Variants in PRKN observed in about 807,000 individuals in gnomAD.
PRKN encodes the protein parkin RBR E3 ubiquitin protein ligase.
In PRKN, 56 loss-of-function variants were observed where a neutral mutation model predicts 59.5. The ratio of observed to expected loss-of-function variants is 0.94; its 90% CI spans 0.76 to 1.18. The LOEUF is 1.18. Ranked by LOEUF, PRKN falls within the 50% of genes most tolerant of loss-of-function variation. The probability of loss-of-function intolerance (pLI) is 0.00; values close to 1 mark genes in which losing one functional copy is unlikely to be tolerated. For missense variants in PRKN, 657 were observed against 596.4 expected (o/e 1.10, Z -1.06); for synonymous variants, 250 against 222.1 (o/e 1.13, Z -1.12).
chr6:161,960,361 A>G (rs543287233), intron 6 of PRKN, among the ~76,000 whole-genome samples: 1 of 152,332 alleles, frequency 6.6e-6, no homozygotes, highest in Admixed American at 6.5e-5. Flanking sequence ...ACGGCTGGAG[A>G]CAAACGCAAA....
chr6:162,180,425 AT>A lies in PRKN; in HGVS notation c.534+20705del, dbSNP rs1488204305. Among the ~76,000 whole-genome samples, 12 of 151,378 alleles carry A rather than the reference AT, an allele frequency of 7.9e-5. No homozygotes were observed. The East Asian group carries it at 2.1e-3, about 27-fold the overall frequency. ...TACCACAGAAATATGAACACCTCCTATGTACCCACAAAAATTACAAATGAAA... is the reference window on the plus strand; with the variant it reads ...TACCACAGAAATATGAACACCTCCTAGTACCCACAAAAATTACAAATGAAA... On this transcript the variant is annotated intron_variant, in intron 4 of 11. Coordinates refer to ENST00000366898, the MANE Select transcript of PRKN (RefSeq NM_004562.3).
intron 6 of PRKN, among the ~76,000 whole-genome samples, chr6:161,818,425 C>T (rs1447900680): frequency 6.6e-6 from 1 of 151,936 alleles, no homozygotes; most frequent in Non-Finnish European, 1.5e-5. Context: ...GCCTCAACCT[C>T]CCATGCCCAA....
intron 1 of PRKN, among the ~76,000 whole-genome samples, chr6:162,484,966 C>A (rs904042999): frequency 2.0e-5 from 3 of 152,100 alleles, no homozygotes; most frequent in Admixed American, 2.0e-4. Flanking sequence ...ACTAGTTTTT[C>A]TATGGCCTGT....
chr6:162,260,138 G>A (rs1182452244), intron 3 of PRKN, among the ~76,000 whole-genome samples: 1 of 152,126 alleles, frequency 6.6e-6, no homozygotes, highest in Non-Finnish European at 1.5e-5. Flanking sequence ...AGAAGTGTTA[G>A]GATGGCAACC....
intron 1 of PRKN, among the ~76,000 whole-genome samples, chr6:162,469,509 TACACAC>T (rs74725154): frequency 4.7e-5 from 7 of 148,928 alleles, no homozygotes; most frequent in Non-Finnish European, 5.9e-5. Flanking sequence ...TGTGTGTGTA[TACACAC>T]ACACACACAC....
chr6:162,495,351 T>C (rs959895548), intron 1 of PRKN, among the ~76,000 whole-genome samples: 3 of 152,206 alleles, frequency 2.0e-5, no homozygotes, highest in Non-Finnish European at 2.9e-5. Context: ...GGCTTTCTGA[T>C]CTGTACAGCA....
At chr6:162,678,209 G>A (rs1195949824) in intron 1 of PRKN, among the ~76,000 whole-genome samples, 1 of 152,174 alleles carries the variant, frequency 6.6e-6, no homozygotes, top group Non-Finnish European at 1.5e-5. Context: ...CCTGTTGATG[G>A]TTATTGGAGT....
At chr6:162,356,094 G>A (rs990239458) in intron 2 of PRKN, among the ~76,000 whole-genome samples, 1 of 152,072 alleles carries the variant, frequency 6.6e-6, no homozygotes, top group African/African-American at 2.4e-5. Context: ...CACATTCAGA[G>A]ACAAGGCCAA....
chr6:162,615,708 G>A (rs1461581334), intron 1 of PRKN, among the ~76,000 whole-genome samples: 1 of 152,288 alleles, frequency 6.6e-6, no homozygotes, highest in African/African-American at 2.4e-5. Context: ...TATCAAATGT[G>A]CCAGCATTGA....
intron 6 of PRKN, among the ~76,000 whole-genome samples, chr6:161,832,229 C>T (rs1026357396): frequency 6.6e-6 from 1 of 152,162 alleles, no homozygotes; most frequent in Non-Finnish European, 1.5e-5. Context: ...ATAAGCATAG[C>T]TTTATGGGGA....
intron 9 of PRKN, among the ~76,000 whole-genome samples, chr6:161,541,243 G>A (rs1779604280): frequency 6.6e-6 from 1 of 152,204 alleles, no homozygotes; most frequent in Admixed American, 6.5e-5. Flanking sequence ...CTGTGATTGA[G>A]GAACTGACTT....
At position 161,549,328 on chromosome 6, in the gene PRKN, T is replaced by C. The variant is rs1366477624; in HGVS notation, c.934-325A>G. 6.6e-6 allele frequency among the ~76,000 whole-genome samples: 1 copy of C among 152,234 alleles called. No individual in the cohort carries two copies. Among genetic ancestry groups the C allele is most frequent in the Non-Finnish European group, 1.5e-5 (1 of 68,044 alleles). On this transcript the variant is annotated intron_variant, in intron 8 of 11. Coordinates refer to ENST00000366898, the MANE Select transcript of PRKN (RefSeq NM_004562.3). The surrounding 1 kb of genome is among the most constrained non-coding windows in gnomAD (Gnocchi z 6.0). ...GCTTCTACCAACTGTATTTTAACAATCTTATTTCATATACATTTTGAGGAA... is the reference window on the plus strand; with the variant it reads ...GCTTCTACCAACTGTATTTTAACAACCTTATTTCATATACATTTTGAGGAA...
At chr6:162,684,354 A>C (rs1406672625) in intron 1 of PRKN, among the ~76,000 whole-genome samples, 1 of 152,170 alleles carries the variant, frequency 6.6e-6, no homozygotes, top group Admixed American at 6.5e-5. Flanking sequence ...AGTTGCACTT[A>C]AAAGTGTTTC....
chr6:162,434,403 G>T (rs1356153850), intron 2 of PRKN, among the ~76,000 whole-genome samples: 2 of 151,968 alleles, frequency 1.3e-5, no homozygotes, highest in African/African-American at 4.8e-5. Flanking sequence ...CTTTACAAAG[G>T]CTACTATGGC....
chr6:162,267,021 T>C (rs1269506987), intron 2 of PRKN, among the ~76,000 whole-genome samples: 1 of 152,164 alleles, frequency 6.6e-6, no homozygotes, highest in African/African-American at 2.4e-5. Context: ...TATAGCCAGA[T>C]GCCATGAAAC....
intron 2 of PRKN, among the ~76,000 whole-genome samples, chr6:162,332,616 G>A (rs1783632510): frequency 1.3e-5 from 2 of 152,134 alleles, no homozygotes; most frequent in South Asian, 2.1e-4. Context: ...GAAAATTGCT[G>A]TGAATTACTG....
intron 2 of PRKN, among the ~76,000 whole-genome samples, chr6:162,311,494 T>C (rs1179373925): frequency 6.7e-6 from 1 of 148,936 alleles, no homozygotes; most frequent in Non-Finnish European, 1.5e-5. Flanking sequence ...TTTTTTTTTT[T>C]TTTTTTGAGA....
intron 4 of PRKN, among the ~76,000 whole-genome samples, chr6:162,189,589 C>CATATGGCTATG (rs1348781852): frequency 2.7e-5 from 4 of 150,266 alleles, no homozygotes; most frequent in African/African-American, 1.0e-4. Flanking sequence ...ATGCTAAGCA[C>CATATGGCTATG]CAAAGTATGG....
chr6:162,171,522 G>A (rs1783275861), intron 4 of PRKN, among the ~76,000 whole-genome samples: 1 of 152,124 alleles, frequency 6.6e-6, no homozygotes, highest in Non-Finnish European at 1.5e-5. Flanking sequence ...TACAGTAAGA[G>A]TTGAAGGATT....
Sources: allele counts gnomAD v4.1 joint callset (sites outside exome capture counted in the v4.1 genomes callset), GRCh38; gene constraint gnomAD v4.1.1; non-coding constraint Gnocchi (gnomAD v3.1); transcripts MANE v1.5; gene names NCBI Gene and HGNC (gene_info 2026-07-23, HGNC 2026-07-21).